NYAP2: variants seen among roughly 807,000 people sequenced by gnomAD.
NYAP2 encodes neuronal tyrosine-phosphorylated phosphoinositide-3-kinase adaptor 2.
NYAP2 carries 23 observed loss-of-function variants against 50.4 expected under a neutral mutation model. The ratio of observed to expected loss-of-function variants is 0.46; its 90% CI spans 0.33 to 0.65. The LOEUF is 0.65. Ranked by LOEUF, NYAP2 falls within the 30% of genes least tolerant of loss-of-function variation. The probability of loss-of-function intolerance (pLI) is 0.02; values close to 1 mark genes in which losing one functional copy is unlikely to be tolerated. For missense variants in NYAP2, 885 were observed against 861.0 expected (o/e 1.03, Z -0.35); for synonymous variants, 394 against 365.2 (o/e 1.08, Z -0.90).
At chr2:225,531,803 T>C (rs545620239) in intron 4 of NYAP2, among the ~76,000 whole-genome samples, 3 of 152,364 alleles carry the variant, frequency 2.0e-5, no homozygotes, top group African/African-American at 7.2e-5. Context: ...CTCTGAATGA[T>C]GTAAAAGATG....
chr2:225,611,928 ACACACACACAC>A (rs889234574), intron 5 of NYAP2, among the ~76,000 whole-genome samples: 5 of 90,144 alleles, frequency 5.5e-5, no homozygotes, highest in African/African-American at 1.4e-4. Flanking sequence ...ACACACACAC[ACACACACACAC>A]TTTTCCTCAC....
At chr2:225,615,450 T>G (rs1429604827) in intron 5 of NYAP2, among the ~76,000 whole-genome samples, 1 of 152,148 alleles carries the variant, frequency 6.6e-6, no homozygotes, top group African/African-American at 2.4e-5. Context: ...AAAAGAATAA[T>G]TCCAACGTCT....
chr2:225,675,551 T>C, the NYAP2 span, among the ~76,000 whole-genome samples: 1 of 152,130 alleles, frequency 6.6e-6, no homozygotes, highest in Non-Finnish European at 1.5e-5. Context: ...ATCCACTGTT[T>C]ATGGGCACTT....
intron 5 of NYAP2, among the ~76,000 whole-genome samples, chr2:225,621,716 T>C (rs1198770352): frequency 1.3e-5 from 2 of 152,152 alleles, no homozygotes; most frequent in African/African-American, 2.4e-5. Flanking sequence ...TTTTTATTTT[T>C]TTTTTAATTA....
At chr2:225,570,861 A>T (rs923288118) in intron 4 of NYAP2, among the ~76,000 whole-genome samples, 2 of 152,222 alleles carry the variant, frequency 1.3e-5, no homozygotes, top group Non-Finnish European at 2.9e-5. Context: ...CTTATCTGAG[A>T]CAAGGCAAGT....
the NYAP2 span, among the ~76,000 whole-genome samples, chr2:225,666,836 C>T: frequency 3.5e-5 from 5 of 142,110 alleles, no homozygotes; most frequent in Non-Finnish European, 7.5e-5. Flanking sequence ...ATACATATTC[C>T]CCCCCCTCCA....
intron 3 of NYAP2, among the ~76,000 whole-genome samples, chr2:225,495,830 C>T (rs1690494596): frequency 6.6e-6 from 1 of 152,144 alleles, no homozygotes; most frequent in African/African-American, 2.4e-5. Flanking sequence ...CTTCAGTAGA[C>T]TGACCTAGTA....
At chr2:225,615,642 C>T (rs547891760) in intron 5 of NYAP2, among the ~76,000 whole-genome samples, 11 of 152,138 alleles carry the variant, frequency 7.2e-5, no homozygotes, top group African/African-American at 1.9e-4. Context: ...TAGGTACTCC[C>T]GATGCAAATT....
rs1484359877 is a variant in NYAP2, at chr2:225,582,720, A to C, written c.1303A>C (p.Thr435Pro). 2 of 1,604,762 alleles carry C rather than the reference A, an allele frequency of 1.2e-6. No homozygotes were observed. The highest frequency in any genetic ancestry group is 8.5e-7 in the Non-Finnish European group (1 of 1,175,924). The change falls in exon 5 of 7, where the codon ACC (threonine) becomes CCC (proline). Residue 435 changes from threonine to proline, a missense_variant. Transcript: ENST00000636099. The surrounding 1 kb of genome is among the most constrained non-coding windows in gnomAD (Gnocchi z 7.0). ...CCATGGCTACCCTAAAAGTCACTCCACCTCTCCCTCCCCCGTCAGCATGGG... is the reference window on the plus strand; with the variant it reads ...CCATGGCTACCCTAAAAGTCACTCCCCCTCTCCCTCCCCCGTCAGCATGGG...
chr2:225,658,021 T>C (rs1693855805), downstream of NYAP2, among the ~76,000 whole-genome samples: 1 of 152,220 alleles, frequency 6.6e-6, no homozygotes, highest in Non-Finnish European at 1.5e-5. Flanking sequence ...GATTCTCCTA[T>C]CAGACCTGAA....
intron 3 of NYAP2, among the ~76,000 whole-genome samples, chr2:225,456,643 T>TGTGCTGTCTGTATA (rs1294243621): frequency 6.6e-6 from 1 of 152,146 alleles, no homozygotes; most frequent in African/African-American, 2.4e-5. Flanking sequence ...TACAACCACG[T>TGTGCTGTCTGTATA]GTGCTGTCTG....
chr2:225,691,923 A>G, the NYAP2 span, among the ~76,000 whole-genome samples: 18 of 152,128 alleles, frequency 1.2e-4, no homozygotes, highest in African/African-American at 4.3e-4. Flanking sequence ...ACAACCGGCA[A>G]TGCAGGTTGG....
intron 5 of NYAP2, among the ~76,000 whole-genome samples, chr2:225,589,988 G>C (rs1692468970): frequency 6.6e-6 from 1 of 152,120 alleles, no homozygotes. Flanking sequence ...TTAGGGGCTG[G>C]ATTCGGAACC....
At chr2:225,610,555 A>C (rs1189842071) in intron 5 of NYAP2, among the ~76,000 whole-genome samples, 1 of 152,198 alleles carries the variant, frequency 6.6e-6, no homozygotes, top group Admixed American at 6.6e-5. Flanking sequence ...GATAGAAGGA[A>C]ATAGTAAATA....
rs571213632 is a variant in NYAP2, at chr2:225,567,248, G to A, written c.524-14693G>A. The stretch of plus-strand genomic sequence containing the variant: ...GGTATTATAATCTTATGAGACCACA[G>A]TTGTATATGGGATCCATAGCTGACT... On this transcript the variant is annotated intron_variant, in intron 4 of 6. Coordinates refer to ENST00000636099, the Ensembl canonical transcript of NYAP2. Among the ~76,000 whole-genome samples, 4 of 152,172 alleles carry A rather than the reference G, an allele frequency of 2.6e-5. No homozygotes were observed. In the South Asian group the frequency reaches 8.3e-4, roughly 32 times the overall value.
At position 225,582,263 on chromosome 2, in the gene NYAP2, C is replaced by T; in HGVS notation, c.846C>T (p.Asp282=). The T allele has an allele frequency of 2.5e-6, 4 of 1,614,038 alleles. No individual in the cohort carries two copies. The highest frequency in any genetic ancestry group is 3.4e-6 in the Non-Finnish European group (4 of 1,179,898). ...CTATCTTTGACGACTTGGGCCAAGA[C>T]GCCAAATGTGACTTCGACCATCACA... The change falls in exon 5 of 7, where the codon GAC becomes GAT. Residue 282 remains aspartate (D), a synonymous_variant. Transcript: ENST00000636099. The surrounding 1 kb of genome is among the most constrained non-coding windows in gnomAD (Gnocchi z 7.0).
chr2:225,399,999 G>A (rs1007058874), exon 1 of NYAP2: 8 of 152,006 alleles, frequency 5.3e-5, no homozygotes, highest in African/African-American at 1.9e-4. Flanking sequence ...TCAGACTTCA[G>A]CTCAGTTAGA....
the NYAP2 span, among the ~76,000 whole-genome samples, chr2:225,670,259 AG>A: frequency 6.6e-6 from 1 of 152,122 alleles, no homozygotes; most frequent in African/African-American, 2.4e-5. Context: ...GTTTAACTAG[AG>A]GAAATGGGTG....
At chr2:225,437,223 T>G (rs1490791039) in intron 3 of NYAP2, among the ~76,000 whole-genome samples, 2 of 152,104 alleles carry the variant, frequency 1.3e-5, no homozygotes, top group Non-Finnish European at 2.9e-5. Context: ...TCACAGGTAG[T>G]CATCCACAGC....
Sources: allele counts gnomAD v4.1 joint callset (sites outside exome capture counted in the v4.1 genomes callset), GRCh38; gene constraint gnomAD v4.1.1; non-coding constraint Gnocchi (gnomAD v3.1); transcripts MANE v1.5; gene names NCBI Gene and HGNC (gene_info 2026-07-23, HGNC 2026-07-21).